ODR4: variants seen among roughly 807,000 people sequenced by gnomAD.
ODR4 encodes odr-4 GPCR localization factor homolog.
ODR4 carries 47 observed loss-of-function variants against 60.2 expected under a neutral mutation model. The observed-to-expected ratio is 0.78, with a 90% CI of 0.62 to 1.00. The LOEUF (loss-of-function observed/expected upper bound fraction) is 1.00, where lower values mean the gene tolerates loss of function less well. Ranked by LOEUF, ODR4 falls within the 50% of genes least tolerant of loss-of-function variation. ODR4 has a pLI of 0.00. For missense variants in ODR4, 488 were observed against 530.8 expected (o/e 0.92, Z 0.79); for synonymous variants, 178 against 175.5 (o/e 1.01, Z -0.11).
chr1:186,417,448 T>G (rs1661615439), intron 12 of ODR4, 96 bp from the exon 13 acceptor site: 1 of 708,042 alleles, frequency 1.4e-6, no homozygotes, highest in Non-Finnish European at 2.4e-6. Context: ...AAGAAAATGG[T>G]GATGATCGTA....
intron 1 of ODR4, among the ~76,000 whole-genome samples, chr1:186,378,724 T>C (rs1659895002): frequency 6.6e-6 from 1 of 152,252 alleles, no homozygotes; most frequent in Admixed American, 6.5e-5. Context: ...TGGCAAGTTA[T>C]TTAATCAACT....
At chr1:186,396,441 C>T (rs1660678743) in intron 9 of ODR4, among the ~76,000 whole-genome samples, 2 of 151,956 alleles carry the variant, frequency 1.3e-5, no homozygotes, top group Non-Finnish European at 2.9e-5. Flanking sequence ...AACCCTGTCT[C>T]TACAAAAAAA....
At chr1:186,433,316 TA>T in the ODR4 span, among the ~76,000 whole-genome samples, 8 of 152,150 alleles carry the variant, frequency 5.3e-5, no homozygotes, top group East Asian at 1.9e-4. Flanking sequence ...AAAATACTCT[TA>T]TTTTTTTTTA....
intron 12 of ODR4, among the ~76,000 whole-genome samples, chr1:186,417,175 C>T (rs1167702189): frequency 6.6e-6 from 1 of 151,872 alleles, no homozygotes; most frequent in Admixed American, 6.6e-5. Context: ...GTTGCCCAGG[C>T]TGGTCTTGAA....
chr1:186,406,149 T>C lies in ODR4; in HGVS notation c.1067T>C (p.Met356Thr). ...GTTCCCCTTCCTGGATCCACTGTAA[T>C]GTTGTGTGATTATAAATTTGACGAT... ...VFVPLPGSTV[M>T]LCDYKFDDES... Residue 356 changes from methionine to threonine, a missense_variant, in exon 12 of 14, where the codon ATG (methionine) becomes ACG (threonine). Coordinates refer to ENST00000287859, the MANE Select transcript of ODR4 (RefSeq NM_017847.6). 2 of 1,612,508 alleles carry C rather than the reference T, an allele frequency of 1.2e-6. No homozygotes were observed. Among genetic ancestry groups the C allele is most frequent in the East Asian group, 2.2e-5 (1 of 44,764 alleles).
At chr1:186,379,914 T>TCTG in intron 2 of ODR4, 30 bp downstream of exon 2, 1 of 1,210,606 alleles carries the variant, frequency 8.3e-7, no homozygotes, top group South Asian at 1.5e-5. Flanking sequence ...CATTTATAAC[T>TCTG]AAATAATTAC....
downstream of ODR4, among the ~76,000 whole-genome samples, chr1:186,423,991 A>AC (rs1378836133): frequency 3.9e-5 from 6 of 152,078 alleles, no homozygotes; most frequent in Non-Finnish European, 8.8e-5. Flanking sequence ...GAACTGATAG[A>AC]CTCTGAGCTC....
downstream of ODR4, among the ~76,000 whole-genome samples, chr1:186,424,882 C>G (rs1386124023): frequency 6.6e-6 from 1 of 151,658 alleles, no homozygotes; most frequent in Admixed American, 6.6e-5. Flanking sequence ...GAAGCTAAGT[C>G]CTTTTGGGGC....
At chr1:186,398,277 T>G in intron 9 of ODR4, 36 bp from the exon 10 acceptor site, 4 of 1,524,222 alleles carry the variant, frequency 2.6e-6, no homozygotes, top group Non-Finnish European at 3.5e-6. Flanking sequence ...TTAATCATTG[T>G]TGGTTATTAG....
At chr1:186,389,497 C>A in intron 5 of ODR4, 91 bp from the exon 6 acceptor site, 1 of 949,236 alleles carries the variant, frequency 1.1e-6, no homozygotes, top group Non-Finnish European at 1.6e-6. Flanking sequence ...CTTTTGGATG[C>A]GTGCATTTTT....
intron 13 of ODR4, among the ~76,000 whole-genome samples, chr1:186,418,134 A>G (rs183249758): frequency 7.2e-4 from 109 of 152,306 alleles, no homozygotes; most frequent in African/African-American, 2.5e-3. Context: ...TAACAATTTG[A>G]GAAATACTAA....
chr1:186,416,829 C>T (rs1401909490), intron 12 of ODR4, among the ~76,000 whole-genome samples: 1 of 132,560 alleles, frequency 7.5e-6, no homozygotes, highest in Non-Finnish European at 1.6e-5. Context: ...GCACTCCAGC[C>T]TGGGTGACAG....
chr1:186,398,594 G>A (rs951905873), intron 10 of ODR4, among the ~76,000 whole-genome samples, 153 bp downstream of exon 10: 3 of 152,122 alleles, frequency 2.0e-5, no homozygotes, highest in Admixed American at 6.6e-5. Flanking sequence ...TATAATTGGT[G>A]TGAAGATTTT....
intron 9 of ODR4, among the ~76,000 whole-genome samples, chr1:186,397,215 A>G (rs1660716641): frequency 6.6e-6 from 1 of 152,198 alleles, no homozygotes; most frequent in Non-Finnish European, 1.5e-5. Flanking sequence ...ATAGCTATGC[A>G]TGTCAGTATT....
At chr1:186,400,761 C>A in intron 11 of ODR4, 1 of 293,074 alleles carries the variant, frequency 3.4e-6, no homozygotes, top group South Asian at 3.8e-5. Context: ...AACATTTATC[C>A]TTCTCGTAAT....
intron 6 of ODR4, among the ~76,000 whole-genome samples, chr1:186,390,474 T>C (rs568831431): frequency 3.9e-5 from 6 of 152,324 alleles, no homozygotes; most frequent in African/African-American, 1.4e-4. Context: ...TGATTCTTTT[T>C]CTGCCTACCA....
chr1:186,409,677 C>G (rs978352923), intron 12 of ODR4, among the ~76,000 whole-genome samples: 4 of 152,176 alleles, frequency 2.6e-5, no homozygotes, highest in Non-Finnish European at 5.9e-5. Context: ...TCCTGAGTAG[C>G]TGGGATTACA....
At chr1:186,394,547 T>C (rs1660598704) in intron 9 of ODR4, among the ~76,000 whole-genome samples, 1 of 152,196 alleles carries the variant, frequency 6.6e-6, no homozygotes, top group Non-Finnish European at 1.5e-5. Context: ...AGCCACTAAT[T>C]ATTCCTAAAA....
At chr1:186,391,848 A>T in intron 8 of ODR4, 57 bp downstream of exon 8, 1 of 1,078,394 alleles carries the variant, frequency 9.3e-7, no homozygotes. Flanking sequence ...AAAATAAAAC[A>T]TGACTTATTT....
Sources: gnomAD v4.1 joint callset for allele counts (sites outside exome capture counted in the v4.1 genomes callset) on GRCh38, gnomAD v4.1.1 for gene constraint, MANE v1.5 for transcripts, NCBI Gene and HGNC (gene_info 2026-07-23, HGNC 2026-07-21) for gene names.